KLRC1: variants seen among roughly 807,000 people sequenced by gnomAD.
KLRC1 encodes the protein killer cell lectin like receptor C1, also known as NKG2-A/NKG2-B type II integral membrane protein.
A neutral mutation model predicts 25.9 loss-of-function variants in KLRC1; 22 were observed. The observed-to-expected ratio is 0.85, with a 90% confidence interval of 0.61 to 1.21. The LOEUF (loss-of-function observed/expected upper bound fraction) is 1.21, where lower values mean the gene tolerates loss of function less well. KLRC1 is among the 50% of genes most tolerant of loss of function. The pLI is 0.00. For synonymous variants in KLRC1, 77 were observed against 93.1 expected, an observed-to-expected ratio of 0.83 and a Z score of 0.99; for missense variants, 240 against 272.2, an observed-to-expected ratio of 0.88 and a Z score of 0.83.
chr12:10,450,278 A>G (rs753641493), intron 3 of KLRC1: 33 of 489,534 alleles, frequency 6.7e-5, no homozygotes, highest in Non-Finnish European at 8.5e-5. Context: ...AAATCCAAAT[A>G]TATACATACG....
intron 3 of KLRC1, chr12:10,450,257 TTTGAG>T (rs1864093479): frequency 2.1e-6 from 1 of 468,254 alleles, no homozygotes; most frequent in South Asian, 4.5e-5. Flanking sequence ...AGAACATATT[TTTGAG>T]TTATGAAATC....
At chr12:10,444,914 A>ATTTTTT (rs748521358), downstream of KLRC1, among the ~76,000 whole-genome samples, 2 of 89,106 alleles carry the variant, frequency 2.2e-5, no homozygotes, top group Admixed American at 1.4e-4. Flanking sequence ...ATATGCACTA[A>ATTTTTT]TTTTTTTTTT....
chr12:10,447,624 C>T lies in KLRC1; in HGVS notation c.498G>A (p.Leu166=), dbSNP rs1434854308. ...SIDNEEEMKF[L]SIISPSSWIG... ...TCCATGAGGATGGTGAAATGATGGA[C>T]AGAAATTTCTAAAAGAAAAGAAAGA... Residue 166 remains leucine, a synonymous_variant, in exon 6 of 7, where the codon CTG becomes CTA. Transcript: ENST00000359151. 1.3e-6 allele frequency: 2 copies of T among 1,598,904 alleles called. No homozygotes were observed. Among genetic ancestry groups the T allele is most frequent in the South Asian group, 2.3e-5 (2 of 86,852 alleles).
intron 5 of KLRC1, among the ~76,000 whole-genome samples, chr12:10,447,916 A>C (rs1864027324): frequency 6.6e-6 from 1 of 152,206 alleles, no homozygotes; most frequent in Non-Finnish European, 1.5e-5. Flanking sequence ...TCCTCCAGAT[A>C]CTGTGACTAA....
At chr12:10,447,683 C>T (rs11053804) in intron 5 of KLRC1, 51 bp from the exon 6 acceptor site, 373,970 of 1,421,032 alleles carry the variant, frequency 0.26, 56,191 homozygotes, top group African/African-American at 0.63. Context: ...GAAAACATTA[C>T]AAAAACAATA....
upstream of KLRC1, chr12:10,454,658 A>T: frequency 1.0e-6 from 1 of 984,192 alleles, no homozygotes; most frequent in Non-Finnish European, 1.2e-6. Context: ...AATGGCCCTG[A>T]ATCTCCACTC....
chr12:10,447,264 A>C (rs1864007668), intron 6 of KLRC1: 1 of 294,776 alleles, frequency 3.4e-6, no homozygotes, highest in South Asian at 9.2e-5. Context: ...AGTGTATTTT[A>C]TGTGTGGCCC....
At chr12:10,452,245 T>C (rs1388577418) in intron 1 of KLRC1, among the ~76,000 whole-genome samples, 1 of 152,130 alleles carries the variant, frequency 6.6e-6, no homozygotes. Context: ...AGGTAATTCA[T>C]GTTAAAGCAC....
At chr12:10,449,137 T>C in intron 5 of KLRC1, 100 bp downstream of exon 5, 1 of 1,449,024 alleles carries the variant, frequency 6.9e-7, no homozygotes, top group Non-Finnish European at 9.5e-7. Context: ...TGAAAACATA[T>C]AAGCTAAATG....
downstream of KLRC1, among the ~76,000 whole-genome samples, chr12:10,444,969 G>T (rs1332958637): frequency 6.8e-6 from 1 of 146,022 alleles, no homozygotes; most frequent in African/African-American, 2.6e-5. Flanking sequence ...CGCCAGGTTG[G>T]AGTGCAGTGG....
downstream of KLRC1, among the ~76,000 whole-genome samples, chr12:10,445,275 C>T (rs147669106): frequency 5.7e-3 from 865 of 152,030 alleles, 10 homozygotes; most frequent in African/African-American, 0.02. Context: ...ATTTCAGAAA[C>T]AAAGGCTGGT....
chr12:10,444,404 T>A (rs1355696973), downstream of KLRC1, among the ~76,000 whole-genome samples: 4 of 151,138 alleles, frequency 2.6e-5, no homozygotes, highest in African/African-American at 4.9e-5. Context: ...TTTAACATTT[T>A]AAAAAATTGA....
intron 5 of KLRC1, among the ~76,000 whole-genome samples, chr12:10,448,411 C>G (rs1490018695): frequency 1.3e-5 from 2 of 152,206 alleles, no homozygotes; most frequent in Admixed American, 6.5e-5. Flanking sequence ...TCCGCAACAA[C>G]AGGCAAGGCT....
At chr12:10,450,382 C>A in intron 3 of KLRC1, 102 bp downstream of exon 3, 1 of 677,670 alleles carries the variant, frequency 1.5e-6, no homozygotes, top group African/African-American at 1.8e-5. Flanking sequence ...CAAATATATA[C>A]ATTACAATGA....
chr12:10,450,947 T>C (rs775835548), intron 2 of KLRC1, 23 bp downstream of exon 2: 14 of 1,559,520 alleles, frequency 9.0e-6, no homozygotes, highest in Middle Eastern at 1.7e-4. Flanking sequence ...ACTGTTATAT[T>C]GAGGATCTTT....
At chr12:10,452,914 A>G (rs1473565682) in intron 1 of KLRC1, among the ~76,000 whole-genome samples, 2 of 152,228 alleles carry the variant, frequency 1.3e-5, no homozygotes, top group African/African-American at 2.4e-5. Flanking sequence ...ATTACAAAAT[A>G]CAAAATTAAT....
At position 10,450,373 on chromosome 12, in the gene KLRC1, A is replaced by G. The variant is rs576076932; in HGVS notation, c.283+111T>C. On this transcript the variant is annotated intron_variant, in intron 3 of 6. Transcript: ENST00000359151. ...AGAATAATCATTCCACATTTAGTCC[A>G]AATATATACATTACAATGAGAACTC... 4 of 641,384 alleles carry G rather than the reference A, an allele frequency of 6.2e-6. No individual in the cohort carries two copies. The East Asian group carries it at 8.0e-5, about 13-fold the overall frequency. The allele number at this position is 641,384 out of a possible 1,614,324, so 39.7% of individuals were successfully genotyped here.
rs779162691 is a variant in KLRC1 at position 10,451,163 on chromosome 12, A to T, written c.-7T>A. The T allele has an allele frequency of 6.2e-7, 1 of 1,610,166 alleles. No individual in the cohort carries two copies. The highest frequency in any genetic ancestry group is 8.5e-7 in the Non-Finnish European group (1 of 1,178,276). On this transcript the variant is annotated 5_prime_UTR_variant, in exon 2 of 7. Coordinates refer to ENST00000359151, the MANE Select transcript of KLRC1 (RefSeq NM_002259.5). ...TTACTCCTTGGTTATCCATCTCTGC[A>T]GTGTGTGATGTCAGGGACTGTACTC... is the stretch of plus-strand genomic sequence containing the variant.
chr12:10,451,797 A>G (rs528209124), intron 1 of KLRC1, among the ~76,000 whole-genome samples: 28 of 152,310 alleles, frequency 1.8e-4, no homozygotes, highest in African/African-American at 6.7e-4. Flanking sequence ...TTAAAAATTA[A>G]AATGTTGTAT....
Sources: gnomAD v4.1 joint callset for allele counts (sites outside exome capture counted in the v4.1 genomes callset) on GRCh38, gnomAD v4.1.1 for gene constraint, MANE v1.5 for transcripts, NCBI Gene and HGNC (gene_info 2026-07-23, HGNC 2026-07-21) for gene names.